RFX3: variants seen among roughly 807,000 people sequenced by gnomAD.
RFX3 encodes regulatory factor X3.
RFX3 carries 14 observed loss-of-function variants against 98.6 expected under a neutral mutation model. The ratio of observed to expected loss-of-function variants is 0.14; its 90% CI spans 0.09 to 0.22. The LOEUF (loss-of-function observed/expected upper bound fraction) is 0.22, where lower values mean the gene tolerates loss of function less well. Among genes scored for constraint, RFX3 ranks in the 10% least tolerant of loss-of-function variants. The pLI is 1.00. For missense variants in RFX3, 639 were observed against 926.9 expected, an observed-to-expected ratio of 0.69 and a Z score of 4.03; for synonymous variants, 383 against 328.4, an observed-to-expected ratio of 1.17 and a Z score of -1.80.
chr9:3,476,709 T>C (rs1384588075), intron 1 of RFX3, among the ~76,000 whole-genome samples: 3 of 152,240 alleles, frequency 2.0e-5, no homozygotes, highest in Non-Finnish European at 2.9e-5. Context: ...CTTTATTCAG[T>C]TGTGTTTTAA....
intron 5 of RFX3, among the ~76,000 whole-genome samples, chr9:3,294,159 T>A (rs571309410): frequency 6.6e-6 from 1 of 152,312 alleles, no homozygotes; most frequent in South Asian, 2.1e-4. Flanking sequence ...TTTATTTATT[T>A]ATAAAAGCAG....
chr9:3,380,255 TAAGAA>T (rs1171706612), intron 2 of RFX3, among the ~76,000 whole-genome samples: 1 of 152,138 alleles, frequency 6.6e-6, no homozygotes, highest in Non-Finnish European at 1.5e-5. Flanking sequence ...ATTTCAAAGA[TAAGAA>T]AACTAAGACT....
intron 1 of RFX3, among the ~76,000 whole-genome samples, chr9:3,400,701 T>C (rs897838998): frequency 1.3e-5 from 2 of 152,216 alleles, no homozygotes; most frequent in African/African-American, 2.4e-5. Context: ...CTTCCACAGA[T>C]TAACTGAAAA....
intron 1 of RFX3, among the ~76,000 whole-genome samples, chr9:3,510,585 G>T (rs1817574247): frequency 6.6e-6 from 1 of 151,888 alleles, no homozygotes; most frequent in South Asian, 2.1e-4. Flanking sequence ...ATACTAAACA[G>T]AATGTAAAAT....
At chr9:3,382,583 T>G (rs1474782240) in intron 2 of RFX3, among the ~76,000 whole-genome samples, 1 of 152,168 alleles carries the variant, frequency 6.6e-6, no homozygotes, top group Non-Finnish European at 1.5e-5. Flanking sequence ...GCTTTTGTCT[T>G]TTTCTTGAGA....
chr9:3,491,573 T>C (rs1301806738), intron 1 of RFX3, among the ~76,000 whole-genome samples: 8 of 152,302 alleles, frequency 5.3e-5, no homozygotes, highest in African/African-American at 1.9e-4. Context: ...CTTGCAAATA[T>C]CAAGTGAAAA....
At chr9:3,504,979 AATAT>A (rs1257857184) in intron 1 of RFX3, among the ~76,000 whole-genome samples, 1 of 81,506 alleles carries the variant, frequency 1.2e-5, no homozygotes, top group African/African-American at 5.1e-5. Context: ...TATATTATAT[AATAT>A]ATATGTTATA....
chr9:3,447,419 G>T (rs954261376), intron 1 of RFX3, among the ~76,000 whole-genome samples: 2 of 152,084 alleles, frequency 1.3e-5, no homozygotes, highest in Non-Finnish European at 2.9e-5. Context: ...AATGAAAAAT[G>T]AAAAGACAAA....
intron 4 of RFX3, among the ~76,000 whole-genome samples, chr9:3,327,607 T>C (rs1832069570): frequency 2.0e-5 from 3 of 151,482 alleles, no homozygotes; most frequent in African/African-American, 7.3e-5. Context: ...TTTTCTTATT[T>C]AAAAAAACGC....
rs71324247 is a variant in RFX3 at position 3,398,914 on chromosome 9, TAAAAAAA to T, written c.-8-3325_-8-3319del. On this transcript the variant is annotated intron_variant, in intron 1 of 16. Coordinates refer to ENST00000617270, the MANE Select transcript of RFX3 (RefSeq NM_001282116.2). ...ATGTACCCTAAAACTTAGAGTATAA[TAAAAAAA>T]AAAAAAAAAAAAAAAAAAAATTAAA... Among the ~76,000 whole-genome samples, 120 of 67,560 alleles carry T rather than the reference TAAAAAAA, an allele frequency of 1.8e-3. 2 individuals are homozygous for T. The South Asian group carries it at 0.03, about 17-fold the overall frequency. 44.3% of individuals were successfully genotyped at this position (67,560 alleles called of 152,430 possible).
At chr9:3,269,893 G>A (rs1824150301) in intron 11 of RFX3, among the ~76,000 whole-genome samples, 1 of 152,062 alleles carries the variant, frequency 6.6e-6, no homozygotes, top group East Asian at 1.9e-4. Flanking sequence ...AACCGTGAAG[G>A]AGGTTGGCCT....
At position 3,525,946 on chromosome 9, in the gene RFX3, G is replaced by C. The variant is rs557916588; in HGVS notation, c.-208C>G. ...CACAAAAGAGAGAGAGAGAGGGAGA[G>C]AGAGAGAGAGCGAGAGGGAGAGGGA... On this transcript the variant is annotated 5_prime_UTR_variant, in exon 1 of 17. Transcript: ENST00000617270. The C allele has an allele frequency of 7.0e-5, 59 of 840,486 alleles. 1 individual carries two copies. The South Asian group carries it at 2.6e-3, about 37-fold the overall frequency. The allele number at this position is 840,486 out of a possible 1,614,324, so 52.1% of individuals were successfully genotyped here.
chr9:3,254,427 G>A (rs916346657), intron 14 of RFX3, among the ~76,000 whole-genome samples: 1 of 152,094 alleles, frequency 6.6e-6, no homozygotes, highest in Non-Finnish European at 1.5e-5. Flanking sequence ...GCCAGTCAGT[G>A]TACTGCTGTT....
chr9:3,446,831 C>T (rs1340434474), intron 1 of RFX3, among the ~76,000 whole-genome samples: 1 of 151,992 alleles, frequency 6.6e-6, no homozygotes, highest in Non-Finnish European at 1.5e-5. Context: ...AATTTGGGTT[C>T]TTGCTGGACA....
chr9:3,320,235 T>G (rs924603640), intron 4 of RFX3, among the ~76,000 whole-genome samples: 1 of 152,148 alleles, frequency 6.6e-6, no homozygotes, highest in African/African-American at 2.4e-5. Flanking sequence ...CACCTTTTAT[T>G]CTTCATGTAT....
chr9:3,511,519 T>C (rs1222317509), intron 1 of RFX3, among the ~76,000 whole-genome samples: 1 of 152,030 alleles, frequency 6.6e-6, no homozygotes, highest in African/African-American at 2.4e-5. Flanking sequence ...ATCAGTACAT[T>C]AGCTCTTAGA....
chr9:3,244,133 G>A (rs1446580799), intron 15 of RFX3, among the ~76,000 whole-genome samples: 1 of 151,846 alleles, frequency 6.6e-6, no homozygotes, highest in Admixed American at 6.6e-5. Flanking sequence ...CTCCCGAGTA[G>A]CTGGGACTAC....
At chr9:3,502,777 A>C (rs1346056110) in intron 1 of RFX3, among the ~76,000 whole-genome samples, 2 of 152,164 alleles carry the variant, frequency 1.3e-5, no homozygotes, top group Non-Finnish European at 2.9e-5. Context: ...GGCAATGTGA[A>C]TGTTAGCCCT....
At chr9:3,288,091 T>C in intron 7 of RFX3, 40 bp downstream of exon 7, 1 of 1,598,846 alleles carries the variant, frequency 6.3e-7, no homozygotes, top group Non-Finnish European at 8.6e-7. Flanking sequence ...AACTAAGAAA[T>C]ACATAGCTTG....
Sources: gnomAD v4.1 joint callset for allele counts (sites outside exome capture counted in the v4.1 genomes callset) on GRCh38, gnomAD v4.1.1 for gene constraint, MANE v1.5 for transcripts, NCBI Gene and HGNC (gene_info 2026-07-23, HGNC 2026-07-21) for gene names.